Variants in CDYL2 observed in about 807,000 individuals in gnomAD.
The protein encoded by CDYL2 is chromodomain Y like 2.
Under a neutral mutation model 49.4 loss-of-function variants are expected in CDYL2, and 23 were observed. The observed-to-expected ratio is 0.47, with a 90% confidence interval of 0.34 to 0.66. CDYL2 has a LOEUF of 0.66. Among genes scored for constraint, CDYL2 ranks in the 30% least tolerant of loss-of-function variants. The pLI, the probability that CDYL2 is intolerant of heterozygous loss-of-function variation, is 0.01. For missense variants in CDYL2, 678 were observed against 656.4 expected, an observed-to-expected ratio of 1.03 and a Z score of -0.36; for synonymous variants, 360 against 268.8, an observed-to-expected ratio of 1.34 and a Z score of -3.32.
chr16:80,708,750 TG>T (rs1294921923), intron 1 of CDYL2, among the ~76,000 whole-genome samples: 5 of 152,238 alleles, frequency 3.3e-5, no homozygotes, highest in South Asian at 2.1e-4. Flanking sequence ...CACACAGGGT[TG>T]TTTTTTTTTG....
chr16:80,750,746 G>A (rs376954365), intron 1 of CDYL2, among the ~76,000 whole-genome samples: 10 of 152,304 alleles, frequency 6.6e-5, no homozygotes, highest in East Asian at 3.9e-4. Flanking sequence ...CAGGCTGGGC[G>A]CAGTGGCTCA....
intron 1 of CDYL2, among the ~76,000 whole-genome samples, chr16:80,702,013 G>T (rs772556878): frequency 6.6e-6 from 1 of 152,176 alleles, no homozygotes; most frequent in African/African-American, 2.4e-5. Flanking sequence ...CGGAAACAAA[G>T]TAGCATCAAA....
chr16:80,612,122 T>C lies in CDYL2; in HGVS notation c.1218+504A>G, dbSNP rs1487676380. ...AAGCTGAGTCATGGCCAATACCACA[T>C]GAGTGGAGGGGAAGACGCCCCTGCC... On this transcript the variant is annotated intron_variant, in intron 5 of 6. Coordinates refer to ENST00000570137, the MANE Select transcript of CDYL2 (RefSeq NM_152342.4). The surrounding 1 kb of genome is among the most constrained non-coding windows in gnomAD (Gnocchi z 5.0). 6.6e-6 allele frequency among the ~76,000 whole-genome samples: 1 copy of C among 152,114 alleles called. No homozygotes were observed. The highest frequency in any genetic ancestry group is 1.5e-5 in the Non-Finnish European group (1 of 67,988).
chr16:80,706,750 G>C (rs1295611131), intron 1 of CDYL2, among the ~76,000 whole-genome samples: 1 of 152,208 alleles, frequency 6.6e-6, no homozygotes, highest in Admixed American at 6.5e-5. Flanking sequence ...AAAGGAAGTA[G>C]AGGCAGGTTT....
At chr16:80,754,439 A>T (rs899193911) in intron 1 of CDYL2, among the ~76,000 whole-genome samples, 1 of 152,208 alleles carries the variant, frequency 6.6e-6, no homozygotes, top group Non-Finnish European at 1.5e-5. Flanking sequence ...CTATTACAAA[A>T]CAGGAATTTC....
chr16:80,725,466 C>G (rs997739542), intron 1 of CDYL2, among the ~76,000 whole-genome samples: 2 of 152,236 alleles, frequency 1.3e-5, no homozygotes, highest in Non-Finnish European at 2.9e-5. Context: ...GTCCTGTTCA[C>G]TGCTGTGTCC....
intron 1 of CDYL2, among the ~76,000 whole-genome samples, chr16:80,741,443 C>T (rs911361510): frequency 2.6e-5 from 4 of 151,650 alleles, no homozygotes; most frequent in African/African-American, 9.7e-5. Flanking sequence ...TTTAAATTTT[C>T]ATATATCAAA....
chr16:80,711,866 G>C (rs950573755), intron 1 of CDYL2, among the ~76,000 whole-genome samples: 1 of 151,960 alleles, frequency 6.6e-6, no homozygotes, highest in Non-Finnish European at 1.5e-5. Flanking sequence ...ACCACACTCA[G>C]TATGGCACTG....
intron 3 of CDYL2, 69 bp downstream of exon 3, chr16:80,632,950 C>T (rs1907633202): frequency 2.1e-6 from 3 of 1,462,714 alleles, no homozygotes; most frequent in Non-Finnish European, 2.9e-6. Flanking sequence ...AGGAGAAAGC[C>T]AATATTCCAT....
chr16:80,787,853 T>A (rs888832154), intron 1 of CDYL2, among the ~76,000 whole-genome samples: 24 of 152,196 alleles, frequency 1.6e-4, no homozygotes, highest in African/African-American at 4.8e-4. Flanking sequence ...GTAATGTGCA[T>A]GCTCTGGTAA....
rs1348845116 is a variant in CDYL2 at position 80,684,544 on chromosome 16, C to T, written c.610G>A (p.Gly204Arg). 7 of 1,610,784 alleles carry T rather than the reference C, an allele frequency of 4.3e-6. No individual in the cohort carries two copies. Among genetic ancestry groups the T allele is most frequent in the Non-Finnish European group, 5.9e-6 (7 of 1,177,762 alleles). ...DVNHATLAEN[G>R]LGSALTNGGL... ...AGAAAGAAAAGCTACAAACCGAGCC[C>T]GTTCTCCGCCAGTGTAGCGTGATTC... Residue 204 changes from glycine to arginine, a missense_variant, in exon 2 of 7, where the codon GGG becomes AGG. Gly to Arg is a moderately radical substitution (Grantham distance 125, BLOSUM62 -2). Coordinates refer to ENST00000570137, the MANE Select transcript of CDYL2 (RefSeq NM_152342.4).
At chr16:80,614,873 A>G (rs1239685167) in intron 4 of CDYL2, among the ~76,000 whole-genome samples, 4 of 149,344 alleles carry the variant, frequency 2.7e-5, no homozygotes, top group African/African-American at 1.0e-4. Flanking sequence ...CAGGGAGAAA[A>G]AAAAAAAAAA....
chr16:80,762,502 G>C (rs1039518723), intron 1 of CDYL2, among the ~76,000 whole-genome samples: 1 of 152,194 alleles, frequency 6.6e-6, no homozygotes, highest in African/African-American at 2.4e-5. Context: ...CAAAGCGTCA[G>C]ATGGCATCAA....
intron 2 of CDYL2, among the ~76,000 whole-genome samples, chr16:80,634,092 A>G (rs1428208032): frequency 2.6e-5 from 4 of 151,348 alleles, no homozygotes; most frequent in Non-Finnish European, 5.9e-5. Context: ...AAAAAAAAAA[A>G]GGGAAAGAGA....
intron 2 of CDYL2, among the ~76,000 whole-genome samples, chr16:80,663,991 C>T (rs1235728860): frequency 6.6e-6 from 1 of 152,224 alleles, no homozygotes; most frequent in Non-Finnish European, 1.5e-5. Context: ...ATGTCTCCTG[C>T]ATTAAAACCC....
At chr16:80,762,488 T>G (rs2142384665) in intron 1 of CDYL2, among the ~76,000 whole-genome samples, 1 of 152,206 alleles carries the variant, frequency 6.6e-6, no homozygotes, top group East Asian at 1.9e-4. Flanking sequence ...GAACTCACAA[T>G]CGCCAAAGCG....
intron 2 of CDYL2, among the ~76,000 whole-genome samples, chr16:80,639,161 C>T (rs57652278): frequency 0.04 from 6,063 of 152,272 alleles, 415 homozygotes; most frequent in African/African-American, 0.14. Flanking sequence ...GGTACCACTA[C>T]ACACATTAGA....
intron 1 of CDYL2, among the ~76,000 whole-genome samples, chr16:80,694,827 C>A (rs1338718877): frequency 1.3e-5 from 2 of 151,936 alleles, no homozygotes; most frequent in African/African-American, 2.4e-5. Context: ...ACAAGATGAC[C>A]CTAGAAGATC....
chr16:80,761,223 G>T (rs1402349801), intron 1 of CDYL2, among the ~76,000 whole-genome samples: 1 of 152,126 alleles, frequency 6.6e-6, no homozygotes, highest in Non-Finnish European at 1.5e-5. Flanking sequence ...CCCGCCAGGG[G>T]ATTCTGGTGG....
Sources: allele counts gnomAD v4.1 joint callset (sites outside exome capture counted in the v4.1 genomes callset), GRCh38; gene constraint gnomAD v4.1.1; non-coding constraint Gnocchi (gnomAD v3.1); transcripts MANE v1.5; gene names NCBI Gene and HGNC (gene_info 2026-07-23, HGNC 2026-07-21).